MEGF10: variants seen among roughly 807,000 people sequenced by gnomAD.
MEGF10 encodes the protein multiple EGF like domains 10, also known as multiple epidermal growth factor-like domains protein 10.
A neutral mutation model predicts 147.5 loss-of-function variants in MEGF10; 86 were observed. The ratio of observed to expected loss-of-function variants is 0.58; its 90% CI spans 0.49 to 0.70. MEGF10 has a LOEUF of 0.70. MEGF10 is among the 30% of genes least tolerant of loss of function. The pLI, the probability that MEGF10 is intolerant of heterozygous loss-of-function variation, is 0.00. For synonymous variants in MEGF10, 478 were observed against 525.5 expected (o/e 0.91, Z 1.24); for missense variants, 1,329 against 1,487.3 (o/e 0.89, Z 1.75).
Position 127,422,652 on chromosome 5 carries a change from A to C in MEGF10, c.1591-18A>C. Reference sequence around the variant, plus strand: ...TCCCAGGCCCTCATTGCTGCCTTTGATGCTGTTTTCCATGCAGGATGGCAC... The same window carrying C: ...TCCCAGGCCCTCATTGCTGCCTTTGCTGCTGTTTTCCATGCAGGATGGCAC... On this transcript the variant is annotated intron_variant, in intron 12 of 24. Transcript: ENST00000503335. The C allele has an allele frequency of 6.2e-7, 1 of 1,608,586 alleles. No homozygotes were observed.
At chr5:127,455,723 GTATTT>G (rs58939267) in intron 24 of MEGF10, 116 bp downstream of exon 24, 49 of 767,974 alleles carry the variant, frequency 6.4e-5, no homozygotes, top group Admixed American at 1.6e-4. Context: ...ATAATGGTCC[GTATTT>G]TATTTTATTT....
chr5:127,411,574 G>A (rs992318484), intron 9 of MEGF10, among the ~76,000 whole-genome samples: 8 of 152,090 alleles, frequency 5.3e-5, no homozygotes, highest in African/African-American at 1.4e-4. Context: ...GTGTGTGCGC[G>A]CATATGTGTG....
chr5:127,420,224 G>C lies in MEGF10; in HGVS notation c.1590+17G>C, dbSNP rs780974795. On this transcript the variant is annotated intron_variant, in intron 12 of 24. Transcript: ENST00000503335. Reference sequence around the variant, plus strand: ...CCCTGCCAGGTATGCACAAATCAGCGCCCTGACGGAAAACGCCTATGAGGA... The same window carrying C: ...CCCTGCCAGGTATGCACAAATCAGCCCCCTGACGGAAAACGCCTATGAGGA... 6.2e-7 allele frequency: 1 copy of C among 1,610,374 alleles called. No individual in the cohort carries two copies. Among genetic ancestry groups the C allele is most frequent in the South Asian group, 1.1e-5 (1 of 90,536 alleles).
At chr5:127,241,695 C>A in the MEGF10 span, among the ~76,000 whole-genome samples, 1 of 152,030 alleles carries the variant, frequency 6.6e-6, no homozygotes, top group Non-Finnish European at 1.5e-5. Context: ...CCTTTTTGAG[C>A]TTCTGTGGAA....
intron 2 of MEGF10, among the ~76,000 whole-genome samples, chr5:127,335,297 AG>A (rs1462143627): frequency 6.6e-6 from 1 of 152,146 alleles, no homozygotes; most frequent in East Asian, 1.9e-4. Context: ...ATGGAAGCTC[AG>A]TGTTGCTCAT....
At chr5:127,357,588 AAAATAAATAAATAAATAAAT>A (rs71573990) in intron 4 of MEGF10, among the ~76,000 whole-genome samples, 4 of 132,592 alleles carry the variant, frequency 3.0e-5, no homozygotes, top group Non-Finnish European at 4.7e-5. Flanking sequence ...ACCCTGCCTC[AAAATAAATAAATAAATAAAT>A]AAATAAATAA....
chr5:127,392,323 C>T (rs1302178021), intron 5 of MEGF10, among the ~76,000 whole-genome samples: 5 of 152,298 alleles, frequency 3.3e-5, no homozygotes, highest in East Asian at 3.9e-4. Context: ...AGCCCCTGCA[C>T]CCCTCACACC....
rs1390317710 is a variant in MEGF10, at chr5:127,458,152, G to T, written c.*834G>T. On this transcript the variant is annotated 3_prime_UTR_variant, in exon 25 of 25. Transcript: ENST00000503335. ...ATAGTTATTTCATAAATATAGAAAT[G>T]AAATAATTTTATTTTTGACAGACTG... 3 of 152,104 alleles carry T rather than the reference G, an allele frequency of 2.0e-5. No individual in the cohort carries two copies. Among genetic ancestry groups the T allele is most frequent in the South Asian group, 2.1e-4 (1 of 4,820 alleles). 9.4% of individuals were successfully genotyped at this position (152,104 alleles called of 1,614,324 possible). A position where few individuals can be genotyped will look rare whatever the true frequency, so the allele number is the denominator to read the frequency against.
chr5:127,435,223 G>A (rs1004389956), intron 15 of MEGF10, 138 bp from the exon 16 acceptor site: 14 of 1,016,366 alleles, frequency 1.4e-5, no homozygotes, highest in Non-Finnish European at 1.7e-5. Flanking sequence ...CATTCAAGAT[G>A]AAGGATGCTG....
intron 4 of MEGF10, among the ~76,000 whole-genome samples, chr5:127,356,901 T>A (rs1048201336): frequency 2.6e-5 from 4 of 152,214 alleles, no homozygotes; most frequent in Admixed American, 1.3e-4. Context: ...TGTCTCAAAC[T>A]TTTTTGACCA....
At chr5:127,379,549 G>T (rs912644803) in intron 5 of MEGF10, among the ~76,000 whole-genome samples, 1 of 149,154 alleles carries the variant, frequency 6.7e-6, no homozygotes, top group Admixed American at 6.7e-5. Context: ...TATTTCCTCT[G>T]CTCAGAATAA....
chr5:127,253,581 A>T, the MEGF10 span, among the ~76,000 whole-genome samples: 10 of 152,020 alleles, frequency 6.6e-5, no homozygotes, highest in Non-Finnish European at 1.3e-4. Context: ...GAGTTGAAAA[A>T]GTATTAGGAG....
chr5:127,435,516 A>T, intron 16 of MEGF10, 27 bp downstream of exon 16: 1 of 1,600,714 alleles, frequency 6.2e-7, no homozygotes, highest in Non-Finnish European at 8.5e-7. Context: ...AACAATTAAT[A>T]AACTGTTCTT....
chr5:127,290,065 C>T (rs116760623), upstream of MEGF10, among the ~76,000 whole-genome samples: 1,204 of 152,304 alleles, frequency 7.9e-3, 13 homozygotes, highest in African/African-American at 0.027. Context: ...ATGGTTTTAA[C>T]ATTCCATCAC....
chr5:127,424,351 T>C (rs1317751152), intron 13 of MEGF10: 1 of 717,908 alleles, frequency 1.4e-6, no homozygotes, highest in Non-Finnish European at 2.5e-6. Flanking sequence ...TTGTTTTGAC[T>C]ATTCTGGGTC....
the MEGF10 span, among the ~76,000 whole-genome samples, chr5:127,247,474 A>C: frequency 6.7e-6 from 1 of 149,258 alleles, no homozygotes; most frequent in South Asian, 2.2e-4. Context: ...GAAGAAGAAG[A>C]AGAAGAAGAA....
At chr5:127,241,305 G>T in the MEGF10 span, among the ~76,000 whole-genome samples, 3 of 152,176 alleles carry the variant, frequency 2.0e-5, no homozygotes, top group Non-Finnish European at 4.4e-5. Flanking sequence ...CTCAGATGAG[G>T]TTGACAGGGG....
intron 4 of MEGF10, among the ~76,000 whole-genome samples, chr5:127,358,877 A>G (rs892579551): frequency 2.0e-5 from 3 of 152,162 alleles, no homozygotes; most frequent in Admixed American, 2.0e-4. Context: ...ATCTGACTCA[A>G]CCTATAGAGA....
At chr5:127,304,737 C>T (rs1759935920) in intron 1 of MEGF10, among the ~76,000 whole-genome samples, 2 of 152,166 alleles carry the variant, frequency 1.3e-5, no homozygotes, top group African/African-American at 4.8e-5. Context: ...TCAAGTGATC[C>T]ACCCGCCTTG....
Sources: gnomAD v4.1 joint callset for allele counts (sites outside exome capture counted in the v4.1 genomes callset) on GRCh38, gnomAD v4.1.1 for gene constraint, MANE v1.5 for transcripts, NCBI Gene and HGNC (gene_info 2026-07-23, HGNC 2026-07-21) for gene names.